Variants in EEFSEC observed in about 807,000 individuals in gnomAD.
EEFSEC encodes eukaryotic elongation factor, selenocysteine-tRNA specific, also known as selenocysteine-specific elongation factor.
A neutral mutation model predicts 42.1 loss-of-function variants in EEFSEC; 43 were observed. That is an observed-to-expected ratio of 1.02 (90% confidence interval 0.80 to 1.32). The LOEUF is 1.32. Among genes scored for constraint, EEFSEC ranks in the 40% most tolerant of loss-of-function variants. The probability of loss-of-function intolerance (pLI) is 0.00; values close to 1 mark genes in which losing one functional copy is unlikely to be tolerated. For missense variants in EEFSEC, 745 were observed against 803.6 expected (o/e 0.93, Z 0.88); for synonymous variants, 354 against 339.1 (o/e 1.04, Z -0.48).
At chr3:128,239,533 C>T (rs1051472423) in intron 1 of EEFSEC, among the ~76,000 whole-genome samples, 1 of 152,154 alleles carries the variant, frequency 6.6e-6, no homozygotes, top group South Asian at 2.1e-4. Context: ...CCTCTGCCCC[C>T]GCCTGCCTCA....
intron 6 of EEFSEC, among the ~76,000 whole-genome samples, chr3:128,399,599 A>G (rs1489856671): frequency 6.6e-6 from 1 of 152,024 alleles, no homozygotes; most frequent in Non-Finnish European, 1.5e-5. Flanking sequence ...GGCCCCCCCC[A>G]GCCAGCGACG....
At chr3:128,322,210 C>T (rs2737772) in intron 4 of EEFSEC, among the ~76,000 whole-genome samples, 2 of 152,200 alleles carry the variant, frequency 1.3e-5, no homozygotes, top group African/African-American at 2.4e-5. Context: ...CATGACGGCC[C>T]GTCCAGGTTC....
At chr3:128,297,116 C>T (rs1358852371) in intron 4 of EEFSEC, among the ~76,000 whole-genome samples, 1 of 151,970 alleles carries the variant, frequency 6.6e-6, no homozygotes, top group Admixed American at 6.5e-5. Context: ...AGGCACATAC[C>T]AGGGATGAAC....
chr3:128,238,618 G>A (rs769714423), intron 1 of EEFSEC, among the ~76,000 whole-genome samples: 11 of 152,086 alleles, frequency 7.2e-5, no homozygotes, highest in African/African-American at 1.7e-4. Context: ...AGTAATTCTC[G>A]TGTCTCAGCC....
At position 128,227,644 on chromosome 3, in the gene EEFSEC, T is replaced by G. The variant is rs926656408; in HGVS notation, c.317-19192T>G. Among the ~76,000 whole-genome samples, 29 of 152,184 alleles carry G rather than the reference T, an allele frequency of 1.9e-4. 2 individuals carry two copies. The highest frequency in any genetic ancestry group is 4.8e-5 in the African/African-American group (2 of 41,444). ...GAGCGGCATTAACTCAGGGGCCTTG[T>G]GAGGACAGACCCTGCTTCCATGATA... On this transcript the variant is annotated intron_variant, in intron 1 of 6. Coordinates refer to ENST00000254730, the MANE Select transcript of EEFSEC (RefSeq NM_021937.5).
chr3:128,393,496 G>C (rs1017648038), intron 6 of EEFSEC, among the ~76,000 whole-genome samples: 1 of 152,222 alleles, frequency 6.6e-6, no homozygotes, highest in African/African-American at 2.4e-5. Flanking sequence ...TGAGGGTAGA[G>C]GGACACCTGG....
At chr3:128,185,817 C>T (rs1425499543) in intron 1 of EEFSEC, among the ~76,000 whole-genome samples, 1 of 152,166 alleles carries the variant, frequency 6.6e-6, no homozygotes. Context: ...CCTGGATATA[C>T]CACATTTAAA....
At chr3:128,168,266 A>G (rs1275360841) in intron 1 of EEFSEC, among the ~76,000 whole-genome samples, 6 of 152,314 alleles carry the variant, frequency 3.9e-5, no homozygotes, top group Non-Finnish European at 8.8e-5. Context: ...CCAGCTGTCC[A>G]GTGGGAGGCC....
chr3:128,415,421 G>A, the EEFSEC span, among the ~76,000 whole-genome samples: 1 of 151,832 alleles, frequency 6.6e-6, no homozygotes, highest in Non-Finnish European at 1.5e-5. Context: ...GGGCGCTTCT[G>A]GGTGGAAGTT....
intron 4 of EEFSEC, among the ~76,000 whole-genome samples, chr3:128,294,751 C>T (rs1327762046): frequency 6.6e-6 from 1 of 152,146 alleles, no homozygotes; most frequent in African/African-American, 2.4e-5. Context: ...GGAGGGTATT[C>T]CCATCAGAGG....
intron 4 of EEFSEC, among the ~76,000 whole-genome samples, chr3:128,274,533 G>A (rs2066446655): frequency 6.6e-6 from 1 of 152,184 alleles, no homozygotes; most frequent in Admixed American, 6.5e-5. Flanking sequence ...GCCACATGTT[G>A]AGGGAGCCTA....
chr3:128,317,612 C>T lies in EEFSEC; in HGVS notation c.787-23621C>T, dbSNP rs1344627091. On this transcript the variant is annotated intron_variant, in intron 4 of 6. Coordinates refer to ENST00000254730, the MANE Select transcript of EEFSEC (RefSeq NM_021937.5). This position sits in a 1 kb window ranked among gnomAD's most constrained non-coding sequence, Gnocchi z 4.1. ...ACCTTTGTACTTCATCACTCCTCACCCCTGTGTGGCATCTCACGGTATTCA... is the reference window on the plus strand; with the variant it reads ...ACCTTTGTACTTCATCACTCCTCACTCCTGTGTGGCATCTCACGGTATTCA... Among the ~76,000 whole-genome samples, 2 of 152,234 alleles carry T rather than the reference C, an allele frequency of 1.3e-5. No individual in the cohort carries two copies. The highest frequency in any genetic ancestry group is 2.4e-5 in the African/African-American group (1 of 41,468).
chr3:128,214,335 A>G (rs1180512344), intron 1 of EEFSEC, among the ~76,000 whole-genome samples: 1 of 152,212 alleles, frequency 6.6e-6, no homozygotes, highest in Admixed American at 6.5e-5. Context: ...TCTTTCAGCT[A>G]ATTTTGTAAT....
intron 4 of EEFSEC, among the ~76,000 whole-genome samples, chr3:128,277,190 T>C (rs2066477614): frequency 6.6e-6 from 1 of 152,254 alleles, no homozygotes. Flanking sequence ...AGTTGAGTGT[T>C]TCCTGAGTGT....
chr3:128,290,908 C>CT (rs1283836228), intron 4 of EEFSEC, among the ~76,000 whole-genome samples: 5 of 151,704 alleles, frequency 3.3e-5, no homozygotes, highest in Non-Finnish European at 7.4e-5. Flanking sequence ...CCATACCTGG[C>CT]TTTTTTTTAT....
At chr3:128,290,755 GT>G (rs2066634898) in intron 4 of EEFSEC, among the ~76,000 whole-genome samples, 1 of 151,816 alleles carries the variant, frequency 6.6e-6, no homozygotes, top group Non-Finnish European at 1.5e-5. Flanking sequence ...TTGTTTGTTT[GT>G]TTGTTTTTTG....
At chr3:128,344,930 T>C (rs112704625) in intron 5 of EEFSEC, among the ~76,000 whole-genome samples, 3 of 152,362 alleles carry the variant, frequency 2.0e-5, no homozygotes, top group African/African-American at 7.2e-5. Flanking sequence ...TCCTGAGTGA[T>C]TGGCTGAGTT....
chr3:128,187,765 G>T (rs117175363), intron 1 of EEFSEC, among the ~76,000 whole-genome samples: 1 of 152,228 alleles, frequency 6.6e-6, no homozygotes, highest in Admixed American at 6.5e-5. Context: ...GGTTTCAGAG[G>T]TGCGAGTCAG....
At chr3:128,421,473 G>C in the EEFSEC span, among the ~76,000 whole-genome samples, 5,205 of 151,052 alleles carry the variant, frequency 0.034, 140 homozygotes, top group South Asian at 0.071. Context: ...GCTCTGGGCT[G>C]TGCACAGTCT....
Sources: gnomAD v4.1 joint callset for allele counts (sites outside exome capture counted in the v4.1 genomes callset) on GRCh38, gnomAD v4.1.1 for gene constraint, Gnocchi (gnomAD v3.1) non-coding constraint, MANE v1.5 for transcripts, NCBI Gene and HGNC (gene_info 2026-07-23, HGNC 2026-07-21) for gene names.